PNPLA8: variants seen among roughly 807,000 people sequenced by gnomAD.
PNPLA8 encodes patatin like domain 8, phospholipase A2, also known as calcium-independent phospholipase A2-gamma.
In PNPLA8, 39 loss-of-function variants were observed where a neutral mutation model predicts 76.9. The ratio of observed to expected loss-of-function variants is 0.51; its 90% confidence interval spans 0.39 to 0.66. The LOEUF (loss-of-function observed/expected upper bound fraction) is 0.66, where lower values mean the gene tolerates loss of function less well. Among genes scored for constraint, PNPLA8 ranks in the 30% least tolerant of loss-of-function variants. The probability of loss-of-function intolerance (pLI) is 0.00; values close to 1 mark genes in which losing one functional copy is unlikely to be tolerated. For synonymous variants in PNPLA8, 301 were observed against 307.9 expected (o/e 0.98, Z 0.24); for missense variants, 887 against 918.0 (o/e 0.97, Z 0.44).
At chr7:108,525,717 ACT>A (rs1864027438) in intron 1 of PNPLA8, among the ~76,000 whole-genome samples, 1 of 152,168 alleles carries the variant, frequency 6.6e-6, no homozygotes, top group Non-Finnish European at 1.5e-5. Flanking sequence ...AGGCAGACAG[ACT>A]CTGGAAAATT....
intron 7 of PNPLA8, among the ~76,000 whole-genome samples, chr7:108,495,228 G>T (rs905152315): frequency 1.3e-5 from 2 of 152,134 alleles, no homozygotes; most frequent in African/African-American, 4.8e-5. Context: ...TTTACTTAAA[G>T]ATATAGCCAG....
At chr7:108,500,706 T>A (rs952762858) in intron 5 of PNPLA8, among the ~76,000 whole-genome samples, 1 of 152,184 alleles carries the variant, frequency 6.6e-6, no homozygotes, top group Non-Finnish European at 1.5e-5. Flanking sequence ...GGTCAGGAGC[T>A]TGAGACCAGC....
At position 108,479,242 on chromosome 7, in the gene PNPLA8, T is replaced by C. The variant is rs1425957741; in HGVS notation, c.2016A>G (p.Thr672=). The change falls in exon 10 of 11, where the codon ACA becomes ACG. Residue 672 remains threonine, a synonymous_variant. Coordinates refer to ENST00000257694, the MANE Select transcript of PNPLA8 (RefSeq NM_001256007.3). ...RYESDVRNTV[T]YTSLKTKLSN... Reference sequence around the variant, plus strand: ...AAAGTTTAGTTTTCAAGCTTGTGTATGTTACCGTGTTTCTCACATCACTCT... The same window carrying C: ...AAAGTTTAGTTTTCAAGCTTGTGTACGTTACCGTGTTTCTCACATCACTCT... 2 of 1,613,696 alleles carry C rather than the reference T, an allele frequency of 1.2e-6. No individual in the cohort carries two copies. Among genetic ancestry groups the C allele is most frequent in the Admixed American group, 3.3e-5 (2 of 60,002 alleles).
upstream of PNPLA8, among the ~76,000 whole-genome samples, chr7:108,527,388 G>A (rs1457719595): frequency 6.6e-6 from 1 of 152,184 alleles, no homozygotes; most frequent in Non-Finnish European, 1.5e-5. Flanking sequence ...AGCCAGACAT[G>A]TTATTTAGCT....
chr7:108,515,180 A>G lies in PNPLA8; in HGVS notation c.312T>C (p.Ile104=), dbSNP rs778210242. ...TTGAAACAGAGTTCAAAGTACTTTT[A>G]ATACGGGACATACAAATGTTCACTT... is the stretch of plus-strand genomic sequence containing the variant. ...LTKVNICMSR[I]KSTLNSVSKA... Residue 104 remains isoleucine, a synonymous_variant, in exon 3 of 11, where the codon ATT becomes ATC. Coordinates refer to ENST00000257694, the MANE Select transcript of PNPLA8 (RefSeq NM_001256007.3). 1 of 1,606,688 alleles carries G rather than the reference A, an allele frequency of 6.2e-7. No individual in the cohort carries two copies. The highest frequency in any genetic ancestry group is 8.5e-7 in the Non-Finnish European group (1 of 1,175,174).
intron 7 of PNPLA8, 131 bp downstream of exon 7, chr7:108,496,453 A>G: frequency 1.8e-6 from 1 of 570,412 alleles, no homozygotes. Flanking sequence ...TTAGTCAAAT[A>G]ATTTAATATT....
intron 4 of PNPLA8, among the ~76,000 whole-genome samples, chr7:108,507,099 T>C (rs1862492770): frequency 6.6e-6 from 1 of 151,910 alleles, no homozygotes; most frequent in African/African-American, 2.4e-5. Context: ...TCCCAGCACT[T>C]TGGGCGGCCG....
chr7:108,522,208 C>A (rs1863788466), intron 1 of PNPLA8, among the ~76,000 whole-genome samples: 1 of 151,288 alleles, frequency 6.6e-6, no homozygotes, highest in South Asian at 2.1e-4. Context: ...GCAGAAGAAT[C>A]ACTTGAACCC....
At chr7:108,516,384 T>C (rs1863345701) in intron 2 of PNPLA8, among the ~76,000 whole-genome samples, 1 of 152,166 alleles carries the variant, frequency 6.6e-6, no homozygotes, top group Admixed American at 6.6e-5. Flanking sequence ...TCTTAACAAA[T>C]GACAACTGAC....
Position 108,515,153 on chromosome 7 carries a change from C to A in PNPLA8, c.339G>T (p.Lys113Asn), listed in dbSNP as rs1345488563. Residue 113 changes from lysine to asparagine, a missense_variant, in exon 3 of 11, where the codon AAG (lysine) becomes AAT (asparagine). Lys to Asn is a moderately conservative substitution (Grantham distance 94). Coordinates refer to ENST00000257694, the MANE Select transcript of PNPLA8 (RefSeq NM_001256007.3). ...RIKSTLNSVS[K>N]AVFGNQNEMI... ...TTTCATTTTGATTGCCAAAAACAGCCTTTGAAACAGAGTTCAAAGTACTTT... is the reference window on the plus strand; with the variant it reads ...TTTCATTTTGATTGCCAAAAACAGCATTTGAAACAGAGTTCAAAGTACTTT... 1 of 1,606,830 alleles carries A rather than the reference C, an allele frequency of 6.2e-7. No individual in the cohort carries two copies. The highest frequency in any genetic ancestry group is 1.7e-4 in the Middle Eastern group (1 of 6,020).
At chr7:108,516,001 T>C (rs1389605527) in intron 2 of PNPLA8, among the ~76,000 whole-genome samples, 2 of 152,210 alleles carry the variant, frequency 1.3e-5, no homozygotes, top group Admixed American at 1.3e-4. Flanking sequence ...ATTTATAGAA[T>C]ACTTAATCTA....
At position 108,502,516 on chromosome 7, in the gene PNPLA8, G is replaced by T. The variant is rs902098120; in HGVS notation, c.1333C>A (p.Leu445Ile). The T allele has an allele frequency of 6.3e-7, 1 of 1,586,186 alleles. No individual in the cohort carries two copies. Among genetic ancestry groups the T allele is most frequent in the Non-Finnish European group, 8.6e-7 (1 of 1,163,190 alleles). Reference protein sequence around the residue: ...DPVKGRGIRILSIDGGGTRGV... With the variant: ...DPVKGRGIRIISIDGGGTRGV... Reference sequence around the variant, plus strand: ...CTTGTTCCTCCACCATCAATTGAGAGAATTCGGATTCCTCTCCCTTTCACT... The same window carrying T: ...CTTGTTCCTCCACCATCAATTGAGATAATTCGGATTCCTCTCCCTTTCACT... Residue 445 changes from leucine to isoleucine, a missense_variant, in exon 5 of 11, where the codon CTC becomes ATC. Physicochemically the swap from Leu to Ile is conservative, Grantham distance 5. Coordinates refer to ENST00000257694, the MANE Select transcript of PNPLA8 (RefSeq NM_001256007.3).
At chr7:108,478,238 T>C (rs935939418) in intron 10 of PNPLA8, among the ~76,000 whole-genome samples, 1 of 151,946 alleles carries the variant, frequency 6.6e-6, no homozygotes, top group Admixed American at 6.6e-5. Flanking sequence ...AATAGCCTTA[T>C]AGAGAGAGAG....
At position 108,472,682 on chromosome 7, in the gene PNPLA8, A is replaced by C; in HGVS notation, c.2075-7T>G. ...TCAAGCATTATATGGACTTCTGTTA[A>C]AGCAAAAAAGAAAAGGATAAGGGGA... is the stretch of plus-strand genomic sequence containing the variant. On this transcript the variant is annotated splice_polypyrimidine_tract_variant and splice_region_variant and intron_variant, in intron 10 of 10. Transcript: ENST00000257694. 1.3e-6 allele frequency: 2 copies of C among 1,557,382 alleles called. No homozygotes were observed. Among genetic ancestry groups the C allele is most frequent in the Non-Finnish European group, 1.7e-6 (2 of 1,158,066 alleles).
chr7:108,503,500 G>C (rs1311383285), intron 4 of PNPLA8, among the ~76,000 whole-genome samples: 1 of 152,102 alleles, frequency 6.6e-6, no homozygotes, highest in African/African-American at 2.4e-5. Flanking sequence ...CCCACTAGAG[G>C]AACTTGAGCA....
intron 8 of PNPLA8, among the ~76,000 whole-genome samples, chr7:108,488,694 A>C (rs952479919): frequency 1.3e-5 from 2 of 152,224 alleles, no homozygotes; most frequent in Non-Finnish European, 2.9e-5. Flanking sequence ...GAAATGTAAC[A>C]CTACACAATC....
In PNPLA8 at chr7:108,496,579, C is replaced by G. The variant is rs1339724866; in HGVS notation, c.1625+5G>C. 1 of 1,569,274 alleles carries G rather than the reference C, an allele frequency of 6.4e-7. No homozygotes were observed. Among genetic ancestry groups the G allele is most frequent in the Non-Finnish European group, 8.7e-7 (1 of 1,154,048 alleles). On this transcript the variant is annotated splice_donor_5th_base_variant and intron_variant, in intron 7 of 10. Transcript: ENST00000257694. ...GAAGATTTAAAAAGAGTAATTGTAA[C>G]TTACTTAAGAATGTTTTCCCATGTT...
intron 5 of PNPLA8, among the ~76,000 whole-genome samples, 175 bp downstream of exon 5, chr7:108,502,316 G>A (rs146789258): frequency 5.3e-5 from 8 of 151,626 alleles, no homozygotes; most frequent in Non-Finnish European, 7.4e-5. Context: ...GGTGGCGGGA[G>A]CCTGTAAATC....
chr7:108,517,477 A>G (rs1166203574), intron 2 of PNPLA8, among the ~76,000 whole-genome samples: 1 of 152,248 alleles, frequency 6.6e-6, no homozygotes, highest in Non-Finnish European at 1.5e-5. Context: ...CCTTATTCAT[A>G]ATTGCCAAAA....
Sources: gnomAD v4.1 joint callset for allele counts (sites outside exome capture counted in the v4.1 genomes callset) on GRCh38, gnomAD v4.1.1 for gene constraint, MANE v1.5 for transcripts, NCBI Gene and HGNC (gene_info 2026-07-23, HGNC 2026-07-21) for gene names.